SYNPO2: variants seen among roughly 807,000 people sequenced by gnomAD.
The protein encoded by SYNPO2 is synaptopodin 2.
In SYNPO2, 56 loss-of-function variants were observed where a neutral mutation model predicts 85.0. The observed-to-expected ratio is 0.66, with a 90% CI of 0.53 to 0.82. The LOEUF is 0.82. Ranked by LOEUF, SYNPO2 falls within the 40% of genes least tolerant of loss-of-function variation. The pLI, the probability that SYNPO2 is intolerant of heterozygous loss-of-function variation, is 0.00. For missense variants in SYNPO2, 1,575 were observed against 1,534.2 expected (o/e 1.03, Z -0.44); for synonymous variants, 602 against 591.1 (o/e 1.02, Z -0.27).
intron 1 of SYNPO2, among the ~76,000 whole-genome samples, chr4:118,893,915 C>T (rs1052026514): frequency 6.6e-6 from 1 of 151,808 alleles, no homozygotes; most frequent in Admixed American, 6.6e-5. Context: ...TGCTAATTAG[C>T]CTGATTTGAT....
intron 1 of SYNPO2, among the ~76,000 whole-genome samples, chr4:118,970,088 C>T (rs1270640650): frequency 6.6e-6 from 1 of 152,054 alleles, no homozygotes; most frequent in Non-Finnish European, 1.5e-5. Flanking sequence ...CATATATGAG[C>T]CTTCTTGGAA....
At chr4:118,868,061 A>C (rs1275633155) in intron 1 of SYNPO2, among the ~76,000 whole-genome samples, 4 of 151,778 alleles carry the variant, frequency 2.6e-5, no homozygotes, top group Non-Finnish European at 4.4e-5. Flanking sequence ...AAAAAAAAAA[A>C]AAACTACGTA....
At chr4:118,931,932 G>C (rs1363374296) in intron 1 of SYNPO2, among the ~76,000 whole-genome samples, 2 of 152,144 alleles carry the variant, frequency 1.3e-5, no homozygotes, top group Non-Finnish European at 2.9e-5. Context: ...GTGAGTTACA[G>C]TTTTTGTTCT....
At chr4:118,889,830 T>G (rs1732303570) in intron 1 of SYNPO2, among the ~76,000 whole-genome samples, 1 of 152,222 alleles carries the variant, frequency 6.6e-6, no homozygotes, top group Non-Finnish European at 1.5e-5. Context: ...TTAATAACTA[T>G]TTAAAATGCT....
chr4:119,025,541 A>G lies in SYNPO2; in HGVS notation c.258-1086A>G, dbSNP rs149706271. Among the ~76,000 whole-genome samples the G allele has an allele frequency of 1.2e-3, 178 of 152,242 alleles. 1 individual carries two copies. Among genetic ancestry groups the G allele is most frequent in the African/African-American group, 4.2e-3 (176 of 41,538 alleles). On this transcript the variant is annotated intron_variant, in intron 2 of 4. Transcript: ENST00000307142. ...AGCAAAGGTAGGAGTAAGTATTTTG[A>G]GCATTGGTCGGAAATTGCACTACCA...
intron 4 of SYNPO2, among the ~76,000 whole-genome samples, chr4:119,056,561 A>G (rs1189551039): frequency 9.2e-5 from 14 of 152,100 alleles, no homozygotes; most frequent in Non-Finnish European, 1.8e-4. Context: ...AACTCTATAT[A>G]ATAATAATTA....
At chr4:118,985,463 C>G (rs572290617) in intron 1 of SYNPO2, among the ~76,000 whole-genome samples, 2 of 152,326 alleles carry the variant, frequency 1.3e-5, no homozygotes, top group Non-Finnish European at 2.9e-5. Flanking sequence ...ATAATCTCAT[C>G]TTTTTTCAGT....
intron 1 of SYNPO2, among the ~76,000 whole-genome samples, chr4:118,947,290 A>G (rs776032389): frequency 5.8e-4 from 89 of 152,150 alleles, no homozygotes; most frequent in Non-Finnish European, 1.1e-3. Context: ...GAGTAATACT[A>G]CCTTTTATGG....
At chr4:119,007,253 CATATATATATAT>C (rs59327133) in intron 1 of SYNPO2, among the ~76,000 whole-genome samples, 4 of 38,146 alleles carry the variant, frequency 1.0e-4, no homozygotes, top group Admixed American at 3.7e-4. Context: ...TATGTATATA[CATATATATATAT>C]ATATATATAT....
chr4:119,038,973 C>T (rs1309256573), intron 4 of SYNPO2, among the ~76,000 whole-genome samples: 1 of 150,102 alleles, frequency 6.7e-6, no homozygotes, highest in Non-Finnish European at 1.5e-5. Context: ...AGATTCTAAA[C>T]ATGGGTTTGG....
At chr4:118,986,654 C>A (rs1736232807) in intron 1 of SYNPO2, among the ~76,000 whole-genome samples, 1 of 152,108 alleles carries the variant, frequency 6.6e-6, no homozygotes, top group African/African-American at 2.4e-5. Flanking sequence ...TTTAGACTAC[C>A]CAGCTGTATT....
chr4:118,875,198 T>C (rs1344560902), intron 1 of SYNPO2, among the ~76,000 whole-genome samples: 1 of 152,238 alleles, frequency 6.6e-6, no homozygotes, highest in East Asian at 1.9e-4. Context: ...TCATTCCTTT[T>C]TATGGCTGCA....
chr4:118,884,815 T>C (rs551787484), upstream of SYNPO2, among the ~76,000 whole-genome samples: 1 of 152,326 alleles, frequency 6.6e-6, no homozygotes, highest in East Asian at 1.9e-4. Context: ...CTATTAGACT[T>C]GGGGATAGAA....
intron 1 of SYNPO2, among the ~76,000 whole-genome samples, chr4:118,890,731 C>CTCTCTCTCTCTCTCTCTCTCTCTCTT (rs1553935608): frequency 7.9e-6 from 1 of 125,998 alleles, no homozygotes; most frequent in Non-Finnish European, 1.8e-5. Flanking sequence ...CTCTCTCTCT[C>CTCTCTCTCTCTCTCTCTCTCTCTCTT]TCTGTGTGTG....
At chr4:118,919,382 CTT>C (rs1189262477) in intron 1 of SYNPO2, among the ~76,000 whole-genome samples, 1 of 147,156 alleles carries the variant, frequency 6.8e-6, no homozygotes, top group African/African-American at 2.5e-5. Context: ...AATTTGGCTA[CTT>C]TTTGCATACC....
intron 1 of SYNPO2, among the ~76,000 whole-genome samples, chr4:118,969,251 T>C (rs1222806308): frequency 6.6e-6 from 1 of 152,212 alleles, no homozygotes; most frequent in African/African-American, 2.4e-5. Context: ...ATTTTTCTGA[T>C]ATATTAAATT....
chr4:118,894,839 A>C (rs926818568), intron 1 of SYNPO2, among the ~76,000 whole-genome samples: 4 of 125,758 alleles, frequency 3.2e-5, no homozygotes, highest in African/African-American at 1.1e-4. Flanking sequence ...TCACATTTTA[A>C]AAAAAAAAAA....
chr4:118,985,468 T>C (rs924567920), intron 1 of SYNPO2, among the ~76,000 whole-genome samples: 1 of 152,234 alleles, frequency 6.6e-6, no homozygotes, highest in African/African-American at 2.4e-5. Flanking sequence ...CTCATCTTTT[T>C]TCAGTCTTCT....
chr4:118,953,595 G>A (rs1380188761), intron 1 of SYNPO2, among the ~76,000 whole-genome samples: 1 of 125,386 alleles, frequency 8.0e-6, no homozygotes, highest in Non-Finnish European at 1.7e-5. Flanking sequence ...TCCTTGAACT[G>A]TAGCCTTTTT....
Sources: gnomAD v4.1 joint callset for allele counts (sites outside exome capture counted in the v4.1 genomes callset) on GRCh38, gnomAD v4.1.1 for gene constraint, MANE v1.5 for transcripts, NCBI Gene and HGNC (gene_info 2026-07-23, HGNC 2026-07-21) for gene names.